The following TEX11 variants were observed in gnomAD, a reference collection of about 807,000 sequenced individuals.
TEX11 encodes testis-expressed protein 11.
A neutral mutation model predicts 84.4 loss-of-function variants in TEX11; 7 were observed. The observed-to-expected ratio is 0.08, with a 90% CI of 0.05 to 0.16. TEX11 has a LOEUF of 0.16. Ranked by LOEUF, TEX11 falls within the 10% of genes least tolerant of loss-of-function variation. TEX11 has a pLI of 1.00. For missense variants in TEX11, 551 were observed against 660.5 expected, an observed-to-expected ratio of 0.83 and a Z score of 1.82; for synonymous variants, 264 against 222.8, an observed-to-expected ratio of 1.18 and a Z score of -1.64.
chrX:70,807,970 G>A (rs113618771), intron 8 of TEX11, among the ~76,000 whole-genome samples: 1,869 of 107,273 alleles, frequency 0.017, 43 homozygotes, highest in African/African-American at 0.061. Context: ...CAGGCGTGGT[G>A]GCAGGTGCCT....
chrX:70,771,288 C>A (rs1254409130), intron 9 of TEX11, among the ~76,000 whole-genome samples: 1 of 112,178 alleles, frequency 8.9e-6, no homozygotes, highest in Non-Finnish European at 1.9e-5. Flanking sequence ...AGTCTCTAAC[C>A]TATAAGTCAA....
chrX:70,853,555 T>G (rs2091520227), intron 5 of TEX11, among the ~76,000 whole-genome samples: 1 of 111,858 alleles, frequency 8.9e-6, no homozygotes, highest in African/African-American at 3.2e-5. Context: ...ATTAATAGAC[T>G]TAAAAACACA....
chrX:70,607,653 G>A (rs370796231), intron 22 of TEX11, among the ~76,000 whole-genome samples: 2 of 110,840 alleles, frequency 1.8e-5, no homozygotes, highest in East Asian at 2.8e-4. Context: ...TCACTAACTC[G>A]CAGTGGTGAA....
At chrX:70,801,392 A>G (rs974564688) in intron 9 of TEX11, among the ~76,000 whole-genome samples, 1 of 111,510 alleles carries the variant, frequency 9.0e-6, no homozygotes, top group Non-Finnish European at 1.9e-5. Context: ...AAGAAATAGT[A>G]TATATATAAT....
At chrX:70,759,937 T>C (rs770787689) in intron 9 of TEX11, among the ~76,000 whole-genome samples, 1 of 112,014 alleles carries the variant, frequency 8.9e-6, no homozygotes, top group African/African-American at 3.2e-5. Flanking sequence ...AAAATCAATG[T>C]GCAAAAATCA....
intron 9 of TEX11, among the ~76,000 whole-genome samples, chrX:70,760,869 G>T (rs1199863926): frequency 9.0e-6 from 1 of 111,731 alleles, no homozygotes; most frequent in Non-Finnish European, 1.9e-5. Context: ...ATCTGACAAA[G>T]GGCTAATGTC....
At chrX:70,796,207 T>G (rs2091155024) in intron 9 of TEX11, among the ~76,000 whole-genome samples, 1 of 111,930 alleles carries the variant, frequency 8.9e-6, no homozygotes, top group South Asian at 3.7e-4. Context: ...AAAATGCAAT[T>G]GATATACTGA....
intron 17 of TEX11, among the ~76,000 whole-genome samples, chrX:70,638,636 C>T (rs1295345450): frequency 3.7e-5 from 4 of 109,191 alleles, no homozygotes; most frequent in Admixed American, 2.0e-4. Flanking sequence ...TCCATCTCTA[C>T]TAAAAATGCA....
intron 20 of TEX11, among the ~76,000 whole-genome samples, chrX:70,617,105 A>G (rs2089326183): frequency 9.0e-6 from 1 of 110,873 alleles, no homozygotes; most frequent in African/African-American, 3.3e-5. Context: ...TGCTTGTATC[A>G]AAATATCACA....
chrX:70,643,646 A>T (rs201132830), intron 17 of TEX11, among the ~76,000 whole-genome samples: 4,269 of 50,306 alleles, frequency 0.085, no homozygotes, highest in Non-Finnish European at 0.1. Flanking sequence ...TCTTTGACAA[A>T]CCTGAGAAAA....
At chrX:70,692,871 T>G (rs1470746818) in intron 13 of TEX11, among the ~76,000 whole-genome samples, 1 of 111,428 alleles carries the variant, frequency 9.0e-6, no homozygotes, top group Non-Finnish European at 1.9e-5. Context: ...GGTAGTTCTA[T>G]CTTTAATTTT....
At chrX:70,741,549 T>A (rs2090734208) in intron 10 of TEX11, among the ~76,000 whole-genome samples, 1 of 111,545 alleles carries the variant, frequency 9.0e-6, no homozygotes, top group African/African-American at 3.3e-5. Flanking sequence ...CTCATCAAGC[T>A]GTACACTTGA....
intron 16 of TEX11, among the ~76,000 whole-genome samples, chrX:70,656,869 A>T (rs144049044): frequency 2.7e-5 from 3 of 112,058 alleles, no homozygotes; most frequent in African/African-American, 9.7e-5. Context: ...AAGAAGCGAT[A>T]GTAGTCTAGG....
intron 13 of TEX11, among the ~76,000 whole-genome samples, chrX:70,704,572 T>G (rs745963397): frequency 1.3e-4 from 14 of 111,473 alleles, no homozygotes; most frequent in Admixed American, 3.8e-4. Flanking sequence ...TATACATACA[T>G]TCTATACTAT....
At chrX:70,893,360 TAACA>T (rs770299405) in intron 2 of TEX11, among the ~76,000 whole-genome samples, 14 of 111,741 alleles carry the variant, frequency 1.3e-4, no homozygotes, top group Middle Eastern at 9.3e-3. Flanking sequence ...AAGGAAATCA[TAACA>T]AACAGTCTCT....
intron 8 of TEX11, among the ~76,000 whole-genome samples, chrX:70,814,171 T>G (rs2091274038): frequency 8.9e-6 from 1 of 111,753 alleles, no homozygotes; most frequent in Non-Finnish European, 1.9e-5. Context: ...AGAACAAAGT[T>G]GAAAGCATCA....
At chrX:70,697,644 T>C (rs2090291608) in intron 13 of TEX11, among the ~76,000 whole-genome samples, 1 of 112,294 alleles carries the variant, frequency 8.9e-6, no homozygotes, top group Admixed American at 9.5e-5. Context: ...ATTTGAATTC[T>C]ATTCCACAGA....
At chrX:70,656,059 G>T (rs1237399536) in intron 16 of TEX11, among the ~76,000 whole-genome samples, 1 of 108,840 alleles carries the variant, frequency 9.2e-6, no homozygotes, top group African/African-American at 3.3e-5. Flanking sequence ...CAACCCAGAA[G>T]AATTTATAAG....
intron 20 of TEX11, among the ~76,000 whole-genome samples, chrX:70,614,994 G>A (rs1431421146): frequency 9.0e-6 from 1 of 111,423 alleles, no homozygotes; most frequent in African/African-American, 3.3e-5. Context: ...TACTGGGCTT[G>A]TGGTGTCCCC....
Sources: allele counts gnomAD v4.1 joint callset (sites outside exome capture counted in the v4.1 genomes callset), GRCh38; gene constraint gnomAD v4.1.1; transcripts MANE v1.5; gene names NCBI Gene and HGNC (gene_info 2026-07-23, HGNC 2026-07-21).